SULT2A1: variants seen among roughly 807,000 people sequenced by gnomAD.
The protein encoded by SULT2A1 is sulfotransferase family 2A member 1.
A neutral mutation model predicts 33.9 loss-of-function variants in SULT2A1; 43 were observed. The ratio of observed to expected loss-of-function variants is 1.27; its 90% confidence interval spans 1.00 to 1.64. The LOEUF is 1.64. Among genes scored for constraint, SULT2A1 ranks in the 40% most tolerant of loss-of-function variants. The pLI is 0.00. For synonymous variants in SULT2A1, 125 were observed against 113.6 expected (o/e 1.10, Z -0.64); for missense variants, 300 against 335.1 (o/e 0.90, Z 0.82).
At chr19:47,883,902 TC>T in intron 1 of SULT2A1, 117 bp from the exon 2 acceptor site, 1 of 905,882 alleles carries the variant, frequency 1.1e-6, no homozygotes, top group Non-Finnish European at 1.7e-6. Context: ...GGTCAGGGGT[TC>T]CAGAATAGCC....
At chr19:47,875,498 C>G (rs190110076) in intron 4 of SULT2A1, among the ~76,000 whole-genome samples, 1 of 151,702 alleles carries the variant, frequency 6.6e-6, no homozygotes, top group Non-Finnish European at 1.5e-5. Flanking sequence ...ATTAGCCAGG[C>G]ATGGTGGCGC....
intron 1 of SULT2A1, among the ~76,000 whole-genome samples, chr19:47,885,764 C>A (rs57889801): frequency 1.3e-5 from 2 of 152,196 alleles, no homozygotes; most frequent in South Asian, 2.1e-4. Flanking sequence ...AGCCCTCCCC[C>A]CAAGTAATTT....
chr19:47,874,790 C>G lies in SULT2A1; in HGVS notation c.612G>C (p.Lys204Asn). Residue 204 changes from lysine (K) to asparagine (N), a missense_variant, in exon 5 of 6, where the codon AAG becomes AAC. By Grantham distance (94) the Lys-to-Asn change is moderately conservative. Transcript: ENST00000222002. ...AGTTCAGTTCTTCGGGTTCTAACGT[C>G]TTTCCCAGGAATTGACAGATCTTCT... Reference protein sequence around the residue: ...TIEKICQFLGKTLEPEELNLI... With the variant: ...TIEKICQFLGNTLEPEELNLI... The G allele has an allele frequency of 6.2e-7, 1 of 1,614,098 alleles. No individual in the cohort carries two copies. The highest frequency in any genetic ancestry group is 8.5e-7 in the Non-Finnish European group (1 of 1,180,006).
At chr19:47,873,875 G>A (rs542303317) in intron 5 of SULT2A1, among the ~76,000 whole-genome samples, 65 of 151,420 alleles carry the variant, frequency 4.3e-4, no homozygotes, top group African/African-American at 1.4e-3. Flanking sequence ...CGCCCGCCTC[G>A]GCTTCCCAAA....
chr19:47,877,242 CT>C (rs796987293), intron 4 of SULT2A1, among the ~76,000 whole-genome samples: 171 of 142,422 alleles, frequency 1.2e-3, no homozygotes, highest in Non-Finnish European at 1.1e-3. Context: ...AGGTCAAGTT[CT>C]TTTTTTTTTT....
intron 3 of SULT2A1, among the ~76,000 whole-genome samples, chr19:47,880,027 G>A (rs1968587217): frequency 1.3e-5 from 2 of 151,772 alleles, no homozygotes; most frequent in African/African-American, 4.8e-5. Context: ...ACGAGGTCAG[G>A]AGATCGAGAC....
intron 5 of SULT2A1, among the ~76,000 whole-genome samples, chr19:47,872,043 G>T (rs573533701): frequency 6.6e-6 from 1 of 151,796 alleles, no homozygotes; most frequent in East Asian, 1.9e-4. Context: ...TCAGCCTCCC[G>T]AATAGCTGGG....
At chr19:47,871,869 T>G (rs1238085553) in intron 5 of SULT2A1, among the ~76,000 whole-genome samples, 1 of 152,136 alleles carries the variant, frequency 6.6e-6, no homozygotes, top group Non-Finnish European at 1.5e-5. Context: ...GCCAACATCA[T>G]TTTTCACCTG....
chr19:47,885,283 T>C (rs1165476664), intron 1 of SULT2A1, among the ~76,000 whole-genome samples: 1 of 152,218 alleles, frequency 6.6e-6, no homozygotes, highest in East Asian at 1.9e-4. Flanking sequence ...GCCAGTGTAC[T>C]TTCTGTTTCT....
At chr19:47,877,612 T>C (rs1329245301) in intron 4 of SULT2A1, among the ~76,000 whole-genome samples, 2 of 150,340 alleles carry the variant, frequency 1.3e-5, no homozygotes, top group East Asian at 3.9e-4. Flanking sequence ...TGCAGTGGTG[T>C]GATCTCGGCT....
At chr19:47,873,589 A>G (rs1279178769) in intron 5 of SULT2A1, among the ~76,000 whole-genome samples, 4 of 148,386 alleles carry the variant, frequency 2.7e-5, no homozygotes, top group Admixed American at 6.7e-5. Flanking sequence ...ATTCCTTCAC[A>G]CATTTCTTCA....
At chr19:47,885,013 G>A (rs1568641238) in intron 1 of SULT2A1, among the ~76,000 whole-genome samples, 1 of 152,018 alleles carries the variant, frequency 6.6e-6, no homozygotes, top group Non-Finnish European at 1.5e-5. Flanking sequence ...GTTTTGCCAT[G>A]TTGGCCAGGC....
At chr19:47,877,464 T>C (rs1968557674) in intron 4 of SULT2A1, among the ~76,000 whole-genome samples, 1 of 152,012 alleles carries the variant, frequency 6.6e-6, no homozygotes, top group Non-Finnish European at 1.5e-5. Flanking sequence ...GGTATCGAAC[T>C]CCTGACCTCA....
chr19:47,872,112 T>A (rs1488387277), intron 5 of SULT2A1, among the ~76,000 whole-genome samples: 1 of 152,144 alleles, frequency 6.6e-6, no homozygotes, highest in African/African-American at 2.4e-5. Flanking sequence ...GAGATGGGGT[T>A]TTGCCATGTT....
chr19:47,886,243 G>C lies in SULT2A1; in HGVS notation c.15C>G (p.Phe5Leu). Residue 5 changes from phenylalanine to leucine, a missense_variant, in exon 1 of 6, where the codon TTC becomes TTG. By Grantham distance (22) the Phe-to-Leu change is conservative (BLOSUM62 0). Coordinates refer to ENST00000222002, the MANE Select transcript of SULT2A1 (RefSeq NM_003167.4). ...GGAAAGCTATGCCTTCAAACCATAAGAAATCGTCCGACATGATGATGACCT... is the reference window on the plus strand; with the variant it reads ...GGAAAGCTATGCCTTCAAACCATAACAAATCGTCCGACATGATGATGACCT... MSDD[F>L]LWFEGIAFPT... 1 of 1,613,978 alleles carries C rather than the reference G, an allele frequency of 6.2e-7. No individual in the cohort carries two copies. Among genetic ancestry groups the C allele is most frequent in the South Asian group, 1.1e-5 (1 of 91,074 alleles).
chr19:47,877,089 A>AAG (rs1658971502), intron 4 of SULT2A1, among the ~76,000 whole-genome samples: 1 of 151,070 alleles, frequency 6.6e-6, no homozygotes, highest in African/African-American at 2.4e-5. Context: ...AAAAAAAAAA[A>AAG]AAAAAGAAAT....
In SULT2A1 at chr19:47,879,094, C is replaced by T; in HGVS notation, c.509G>A (p.Trp170Ter). ...YGSWFDHIHGWMPMREEKNFL... is the reference protein window; with the variant it reads ...YGSWFDHIHG ...GTTTTTCTCCTCTCTCATGGGCATC[C>T]AGCCATGAATGTGGTCAAACCATGA... Residue 170 changes from tryptophan (W) to a stop codon, truncating the protein, a stop_gained, in exon 4 of 6, where the codon TGG becomes TAG. Transcript: ENST00000222002. LOFTEE classifies it high-confidence loss of function. The T allele has an allele frequency of 1.2e-6, 2 of 1,613,786 alleles. No individual in the cohort carries two copies. The highest frequency in any genetic ancestry group is 2.2e-5 in the South Asian group (2 of 91,066).
At position 47,879,063 on chromosome 19, in the gene SULT2A1, C is replaced by T; in HGVS notation, c.540G>A (p.Leu180=). 6.2e-7 allele frequency: 1 copy of T among 1,613,528 alleles called. No homozygotes were observed. Among genetic ancestry groups the T allele is most frequent in the Non-Finnish European group, 8.5e-7 (1 of 1,179,532 alleles). The stretch of plus-strand genomic sequence containing the variant: ...GTTTCAGCTCCTCATAACTCAGTAA[C>T]AGGAAGTTTTTCTCCTCTCTCATGG... ...WMPMREEKNF[L]LLSYEELKQD... The change falls in exon 4 of 6, where the codon CTG becomes CTA. Residue 180 remains leucine (L), a synonymous_variant. Transcript: ENST00000222002.
Position 47,884,476 on chromosome 19 carries a change from CTTTT to C in SULT2A1, c.137-695_137-692del, listed in dbSNP as rs71181610. On this transcript the variant is annotated intron_variant, in intron 1 of 5. Coordinates refer to ENST00000222002, the MANE Select transcript of SULT2A1 (RefSeq NM_003167.4). The stretch of plus-strand genomic sequence containing the variant: ...TACAGGCGTGAGCCACTGCGCCTGG[CTTTT>C]TTTTTTTTTTTTTTTAGCGATGAGG... 5.5e-3 allele frequency among the ~76,000 whole-genome samples: 659 copies of C among 118,954 alleles called. 6 individuals are homozygous for C. Among genetic ancestry groups the C allele is most frequent in the South Asian group, 0.017 (61 of 3,498 alleles). 78.0% of individuals were successfully genotyped at this position (118,954 alleles called of 152,430 possible).
Sources: allele counts gnomAD v4.1 joint callset (sites outside exome capture counted in the v4.1 genomes callset), GRCh38; gene constraint gnomAD v4.1.1; transcripts MANE v1.5; gene names NCBI Gene and HGNC (gene_info 2026-07-23, HGNC 2026-07-21).